The following MMS22L variants were observed in gnomAD, a reference collection of about 807,000 sequenced individuals.
The protein encoded by MMS22L is MMS22 like, DNA repair protein.
A neutral mutation model predicts 159.1 loss-of-function variants in MMS22L; 74 were observed. That is an observed-to-expected ratio of 0.47 (90% CI 0.39 to 0.56). The LOEUF is 0.56. Among genes scored for constraint, MMS22L ranks in the 20% least tolerant of loss-of-function variants. The pLI, the probability that MMS22L is intolerant of heterozygous loss-of-function variation, is 0.00. For missense variants in MMS22L, 1,351 were observed against 1,422.1 expected (o/e 0.95, Z 0.80); for synonymous variants, 517 against 506.9 (o/e 1.02, Z -0.27).
rs1421916346 is a variant in MMS22L, at chr6:97,145,013, A to G, written c.*1793T>C. 2 of 130,242 alleles carry G rather than the reference A, an allele frequency of 1.5e-5. No homozygotes were observed. The highest frequency in any genetic ancestry group is 3.2e-5 in the African/African-American group (1 of 31,390). 8.1% of individuals were successfully genotyped at this position (130,242 alleles called of 1,614,324 possible). A position where few individuals can be genotyped will look rare whatever the true frequency, so the allele number is the denominator to read the frequency against. On this transcript the variant is annotated 3_prime_UTR_variant, in exon 25 of 25. Transcript: ENST00000683635. ...AGGTATCTTTATCAATCTCCTTTGG[A>G]AAAAAAAAACCCACACACACACACA...
At chr6:97,221,380 T>C (rs1809630103) in intron 14 of MMS22L, among the ~76,000 whole-genome samples, 1 of 152,074 alleles carries the variant, frequency 6.6e-6, no homozygotes, top group Non-Finnish European at 1.5e-5. Flanking sequence ...TAATCTATGT[T>C]TCAGCAAAAC....
intron 24 of MMS22L, among the ~76,000 whole-genome samples, chr6:97,149,206 A>C (rs559260827): frequency 1.5e-4 from 23 of 152,192 alleles, no homozygotes; most frequent in Non-Finnish European, 2.6e-4. Context: ...TAAGCAACAC[A>C]TAACTGTATT....
chr6:97,233,781 T>C, intron 12 of MMS22L, 80 bp downstream of exon 12: 2 of 1,440,110 alleles, frequency 1.4e-6, no homozygotes, highest in Middle Eastern at 2.2e-4. Context: ...TAACTATTCA[T>C]AATTAAACCA....
chr6:97,263,469 G>A, intron 8 of MMS22L, 21 bp from the exon 9 acceptor site: 7 of 1,309,692 alleles, frequency 5.3e-6, no homozygotes, highest in African/African-American at 1.5e-5. Flanking sequence ...TAACCAAAAT[G>A]TGTTATTTAT....
At chr6:97,253,376 G>C (rs1210540498) in intron 10 of MMS22L, 1 of 151,850 alleles carries the variant, frequency 6.6e-6, no homozygotes, top group African/African-American at 2.4e-5. Context: ...ACCTCGTAGA[G>C]GATGAGAACC....
chr6:97,258,343 T>C (rs1294562951), intron 9 of MMS22L, among the ~76,000 whole-genome samples: 1 of 152,212 alleles, frequency 6.6e-6, no homozygotes, highest in African/African-American at 2.4e-5. Flanking sequence ...TCATGTTTAC[T>C]TTCCATGCTT....
At chr6:97,241,020 C>T (rs1812000968) in intron 11 of MMS22L, among the ~76,000 whole-genome samples, 1 of 152,194 alleles carries the variant, frequency 6.6e-6, no homozygotes, top group Admixed American at 6.5e-5. Flanking sequence ...ACCTTTGTGT[C>T]CTCATAGCTT....
rs371181980 is a variant in MMS22L at position 97,149,802 on chromosome 6, T to C, written c.3650+51A>G. The C allele has an allele frequency of 5.9e-5, 86 of 1,465,130 alleles. No homozygotes were observed. In the African/African-American group the frequency reaches 1.1e-3, roughly 18 times the overall value. The allele number at this position is 1,465,130 out of a possible 1,614,324, so 90.8% of individuals were successfully genotyped here. A position where few individuals can be genotyped will look rare whatever the true frequency, so the allele number is the denominator to read the frequency against. On this transcript the variant is annotated intron_variant, in intron 24 of 24. Coordinates refer to ENST00000683635, the MANE Select transcript of MMS22L (RefSeq NM_001350599.2). ...TAAATCATTTCTATAAAATGAAATA[T>C]AAATTTTATAATCACTGCCCCCCCC...
At chr6:97,230,262 A>AC (rs1810714479) in intron 13 of MMS22L, 2 of 104,630 alleles carry the variant, frequency 1.9e-5, no homozygotes, top group South Asian at 6.0e-4. Context: ...ACGCTTGGCT[A>AC]TTTTTTTTTT....
At chr6:97,234,760 T>C (rs1008985188) in intron 11 of MMS22L, among the ~76,000 whole-genome samples, 1 of 152,156 alleles carries the variant, frequency 6.6e-6, no homozygotes, top group South Asian at 2.1e-4. Flanking sequence ...GGCAAAGTAA[T>C]TGGTAAAGGA....
intron 14 of MMS22L, among the ~76,000 whole-genome samples, chr6:97,221,009 T>C (rs955024271): frequency 2.0e-5 from 3 of 149,308 alleles, no homozygotes; most frequent in Non-Finnish European, 4.5e-5. Context: ...CACACGTCCA[T>C]TGATGTTGCC....
intron 9 of MMS22L, among the ~76,000 whole-genome samples, chr6:97,255,627 CTAATTA>C (rs761905980): frequency 3.9e-5 from 6 of 152,014 alleles, no homozygotes; most frequent in East Asian, 1.9e-4. Flanking sequence ...AAATTTCCCT[CTAATTA>C]TAACTTTTAG....
At chr6:97,149,499 C>T (rs1427107586) in intron 24 of MMS22L, among the ~76,000 whole-genome samples, 1 of 152,110 alleles carries the variant, frequency 6.6e-6, no homozygotes, top group Non-Finnish European at 1.5e-5. Context: ...GATTTGCCAC[C>T]ATAAATTTTA....
intron 15 of MMS22L, among the ~76,000 whole-genome samples, chr6:97,185,491 T>C (rs1582514929): frequency 3.3e-5 from 5 of 152,162 alleles, no homozygotes; most frequent in Non-Finnish European, 5.9e-5. Context: ...TGACTGGCAG[T>C]TGGGATGATG....
At chr6:97,278,983 A>G in intron 3 of MMS22L, 85 bp from the exon 4 acceptor site, 1 of 1,109,226 alleles carries the variant, frequency 9.0e-7, no homozygotes, top group Non-Finnish European at 1.3e-6. Context: ...TCCAAATTAC[A>G]CAGCTTCAAT....
chr6:97,158,236 G>C (rs568528555), intron 22 of MMS22L, among the ~76,000 whole-genome samples: 1 of 151,788 alleles, frequency 6.6e-6, no homozygotes, highest in South Asian at 2.1e-4. Flanking sequence ...CTAGCTAGTG[G>C]TCTATTTCGT....
At chr6:97,176,819 C>T (rs969588257) in intron 18 of MMS22L, among the ~76,000 whole-genome samples, 1 of 152,126 alleles carries the variant, frequency 6.6e-6, no homozygotes, top group African/African-American at 2.4e-5. Flanking sequence ...TTTCCTCATG[C>T]ATCTTTTCCT....
chr6:97,154,559 C>T (rs779258139), intron 22 of MMS22L, among the ~76,000 whole-genome samples: 8 of 152,068 alleles, frequency 5.3e-5, no homozygotes, highest in Non-Finnish European at 8.8e-5. Flanking sequence ...CCTATATTTT[C>T]TTCAATGACT....
chr6:97,214,978 T>G (rs1299216693), intron 14 of MMS22L, among the ~76,000 whole-genome samples: 1 of 150,876 alleles, frequency 6.6e-6, no homozygotes, highest in Non-Finnish European at 1.5e-5. Flanking sequence ...GTGTACAAGG[T>G]TTCTTGCCCT....
Sources: allele counts gnomAD v4.1 joint callset (sites outside exome capture counted in the v4.1 genomes callset), GRCh38; gene constraint gnomAD v4.1.1; transcripts MANE v1.5; gene names NCBI Gene and HGNC (gene_info 2026-07-23, HGNC 2026-07-21).